SIRPB1: variants seen among roughly 807,000 people sequenced by gnomAD.
SIRPB1 encodes the protein signal-regulatory protein beta-1.
A neutral mutation model predicts 34.1 loss-of-function variants in SIRPB1; 28 were observed. That is an observed-to-expected ratio of 0.82 (90% CI 0.61 to 1.12). The LOEUF (loss-of-function observed/expected upper bound fraction) is 1.12. Among genes scored for constraint, SIRPB1 ranks in the 50% most tolerant of loss-of-function variants. The pLI is 0.00. For missense variants in SIRPB1, 499 were observed against 507.0 expected (o/e 0.98, Z 0.15); for synonymous variants, 211 against 203.8 (o/e 1.04, Z -0.30).
At chr20:1,577,324 C>G (rs115127273) in intron 2 of SIRPB1, among the ~76,000 whole-genome samples, 2,046 of 147,716 alleles carry the variant, frequency 0.014, 136 homozygotes, top group African/African-American at 0.046. Context: ...GACTCTGGCT[C>G]CAATTCTGTC....
intron 4 of SIRPB1, among the ~76,000 whole-genome samples, chr20:1,567,165 G>C (rs1036261859): frequency 1.3e-5 from 2 of 152,114 alleles, no homozygotes; most frequent in Admixed American, 1.3e-4. Context: ...ATCTATAGCC[G>C]CTGGAGTGTT....
rs1425736099 is a variant in SIRPB1 at position 1,570,969 on chromosome 20, C to T, written c.920G>A (p.Gly307Asp). Residue 307 changes from glycine (G) to aspartate (D), a missense_variant, in exon 4 of 6, where the codon GGC (glycine) becomes GAC (aspartate). Transcript: ENST00000381605. ...TASTLIENKD[G>D]TYNWMSWLLV... Reference sequence around the variant, plus strand: ...GAGCCAGCTCATCCAGTTGTAGGTGCCATCCTTGTTCTCTATGAGGGTCGA... The same window carrying T: ...GAGCCAGCTCATCCAGTTGTAGGTGTCATCCTTGTTCTCTATGAGGGTCGA... 3.7e-6 allele frequency: 6 copies of T among 1,613,958 alleles called. No homozygotes were observed. In the African/African-American group the frequency reaches 6.7e-5, roughly 18 times the overall value.
rs2091217335 is a variant in SIRPB1, at chr20:1,570,674, G to A, written c.1084+131C>T. 6 of 781,780 alleles carry A rather than the reference G, an allele frequency of 7.7e-6. No homozygotes were observed. In the East Asian group the frequency reaches 1.0e-4, roughly 13 times the overall value. 48.4% of individuals were successfully genotyped at this position (781,780 alleles called of 1,614,324 possible). ...TCTAAGTAGTGGTGACCCATGGAGTGTAGGATTTTAATGTAGACGTTAAAA... is the reference window on the plus strand; with the variant it reads ...TCTAAGTAGTGGTGACCCATGGAGTATAGGATTTTAATGTAGACGTTAAAA... On this transcript the variant is annotated intron_variant, in intron 4 of 5. Transcript: ENST00000381605.
chr20:1,597,680 A>G lies in SIRPB1; in HGVS notation c.77-18986T>C, dbSNP rs1216749935. ...TGTAGGGAAAAAATATCCAAATTAT[A>G]TCATACGTATAAACAAAGAGGAAGG... is the stretch of plus-strand genomic sequence containing the variant. On this transcript the variant is annotated intron_variant, in intron 1 of 5. Coordinates refer to ENST00000381605, the MANE Select transcript of SIRPB1 (RefSeq NM_006065.5). 1.1e-5 allele frequency: 3 copies of G among 274,050 alleles called. 1 individual carries two copies. 17.0% of individuals were successfully genotyped at this position (274,050 alleles called of 1,614,324 possible). A position where few individuals can be genotyped will look rare whatever the true frequency, so the allele number is the denominator to read the frequency against.
rs2091112344 is a variant in SIRPB1 at position 1,565,273 on chromosome 20, A to G, written c.*227T>C. 1 of 370,586 alleles carries G rather than the reference A, an allele frequency of 2.7e-6. No homozygotes were observed. The allele number at this position is 370,586 out of a possible 1,614,324, so 23.0% of individuals were successfully genotyped here. On this transcript the variant is annotated 3_prime_UTR_variant, in exon 6 of 6. Transcript: ENST00000381605. ...GTTTCTCACCTTCTAGGGAGGTGCC[A>G]TGAGTCAGTGCCCAGAGCCCAATCC... is the stretch of plus-strand genomic sequence containing the variant.
At chr20:1,572,121 T>C in intron 2 of SIRPB1, 84 bp from the exon 3 acceptor site, 5 of 1,592,406 alleles carry the variant, frequency 3.1e-6, no homozygotes, top group Non-Finnish European at 4.3e-6. Context: ...AAGAACCTTC[T>C]GAGACGTTAG....
intron 4 of SIRPB1, among the ~76,000 whole-genome samples, chr20:1,566,849 G>T (rs1335805598): frequency 3.3e-5 from 5 of 152,070 alleles, no homozygotes; most frequent in African/African-American, 1.2e-4. Flanking sequence ...TGATCTCAGG[G>T]AGCCCTCCAG....
At chr20:1,619,777 G>C in intron 1 of SIRPB1, 92 bp downstream of exon 1, 2 of 927,816 alleles carry the variant, frequency 2.2e-6, no homozygotes, top group South Asian at 3.1e-5. Context: ...TTTCTTGGCA[G>C]CACTTGTCAT....
rs775379399 is a variant in SIRPB1, at chr20:1,609,375, C to G, written c.76+10494G>C. 4.1e-4 allele frequency among the ~76,000 whole-genome samples: 30 copies of G among 72,558 alleles called. 9 individuals are homozygous for G. Among genetic ancestry groups the G allele is most frequent in the South Asian group, 1.2e-3 (2 of 1,662 alleles). The allele number at this position is 72,558 out of a possible 152,430, so 47.6% of individuals were successfully genotyped here. The stretch of plus-strand genomic sequence containing the variant: ...ATGTACATGAAAGCATCATGTTTTA[C>G]GCTTTACATATACACATTTTTTTAA... On this transcript the variant is annotated intron_variant, in intron 1 of 5. Transcript: ENST00000381605.
In SIRPB1 at chr20:1,589,473, A is replaced by C. The variant is rs1228093176; in HGVS notation, c.77-10779T>G. 1.6e-4 allele frequency among the ~76,000 whole-genome samples: 8 copies of C among 48,818 alleles called. 3 individuals carry two copies. Among genetic ancestry groups the C allele is most frequent in the Admixed American group, 1.1e-3 (8 of 7,320 alleles). 32.0% of individuals were successfully genotyped at this position (48,818 alleles called of 152,430 possible). A position where few individuals can be genotyped will look rare whatever the true frequency, so the allele number is the denominator to read the frequency against. ...CTGTGTTCAGATGGGAAATGAGGAG[A>C]GAGGAAGTATATATGCCCTGACCAA... On this transcript the variant is annotated intron_variant, in intron 1 of 5. Coordinates refer to ENST00000381605, the MANE Select transcript of SIRPB1 (RefSeq NM_006065.5).
rs1263250427 is a variant in SIRPB1, at chr20:1,607,435, G to T, written c.76+12434C>A. ...TGTTCTCAAAGCCCCAAAACCTGGG[G>T]CACCGCTTTTGCTAGGGGGCTGTGT... On this transcript the variant is annotated intron_variant, in intron 1 of 5. Coordinates refer to ENST00000381605, the MANE Select transcript of SIRPB1 (RefSeq NM_006065.5). 8.7e-3 allele frequency among the ~76,000 whole-genome samples: 47 copies of T among 5,404 alleles called. 11 individuals carry two copies. In the African/African-American group the frequency reaches 0.12, roughly 13 times the overall value. 3.5% of individuals were successfully genotyped at this position (5,404 alleles called of 152,430 possible).
At chr20:1,607,600 C>T (rs1469357598) in intron 1 of SIRPB1, among the ~76,000 whole-genome samples, 1 of 57,812 alleles carries the variant, frequency 1.7e-5, no homozygotes, top group Non-Finnish European at 3.1e-5. Flanking sequence ...TTCTAATGAG[C>T]AGCCAAGGTT....
chr20:1,585,726 A>G (rs2091419477), intron 1 of SIRPB1, among the ~76,000 whole-genome samples: 1 of 48,706 alleles, frequency 2.1e-5, no homozygotes, highest in Admixed American at 1.4e-4. Flanking sequence ...CATATGATCC[A>G]GCAATCTCAC....
At position 1,570,795 on chromosome 20, in the gene SIRPB1, G is replaced by A. The variant is rs2091219675; in HGVS notation, c.1084+10C>T. The A allele has an allele frequency of 6.4e-7, 1 of 1,571,588 alleles. No homozygotes were observed. The highest frequency in any genetic ancestry group is 1.2e-5 in the South Asian group (1 of 86,274). On this transcript the variant is annotated intron_variant, in intron 4 of 5. Coordinates refer to ENST00000381605, the MANE Select transcript of SIRPB1 (RefSeq NM_006065.5). ...AAAAGACAAAATTTAAAAATGGGAAGTAACCGCACCATGGGTGATATCTGA... is the reference window on the plus strand; with the variant it reads ...AAAAGACAAAATTTAAAAATGGGAAATAACCGCACCATGGGTGATATCTGA...
chr20:1,603,720 C>T lies in SIRPB1; in HGVS notation c.76+16149G>A, dbSNP rs1568699280. ...GCTGACTTTAAAATTCTACTTTATACTTATAGACTTCTAGCTTATTTTATG... is the reference window on the plus strand; with the variant it reads ...GCTGACTTTAAAATTCTACTTTATATTTATAGACTTCTAGCTTATTTTATG... On this transcript the variant is annotated intron_variant, in intron 1 of 5. Transcript: ENST00000381605. 2 of 364,284 alleles carry T rather than the reference C, an allele frequency of 5.5e-6. 1 individual carries two copies. 22.6% of individuals were successfully genotyped at this position (364,284 alleles called of 1,614,324 possible).
chr20:1,605,175 G>A lies in SIRPB1; in HGVS notation c.76+14694C>T, dbSNP rs1434998390. 6 of 471,102 alleles carry A rather than the reference G, an allele frequency of 1.3e-5. 3 individuals are homozygous for A. The highest frequency in any genetic ancestry group is 1.7e-5 in the Non-Finnish European group (6 of 348,104). The allele number at this position is 471,102 out of a possible 1,614,324, so 29.2% of individuals were successfully genotyped here. A position where few individuals can be genotyped will look rare whatever the true frequency, so the allele number is the denominator to read the frequency against. ...TTATTTTTTATCCTTCCAATAATGT[G>A]GAAAGATTAATGAGGGTGGTGTCCT... On this transcript the variant is annotated intron_variant, in intron 1 of 5. Coordinates refer to ENST00000381605, the MANE Select transcript of SIRPB1 (RefSeq NM_006065.5).
intron 2 of SIRPB1, among the ~76,000 whole-genome samples, chr20:1,573,682 G>T (rs996925248): frequency 4.1e-5 from 6 of 147,338 alleles, no homozygotes; most frequent in African/African-American, 1.5e-4. Flanking sequence ...TGCTCTCTCT[G>T]TACCTCTCAG....
At chr20:1,616,427 C>T (rs1271387443) in intron 1 of SIRPB1, among the ~76,000 whole-genome samples, 1 of 152,192 alleles carries the variant, frequency 6.6e-6, no homozygotes, top group Non-Finnish European at 1.5e-5. Context: ...CTCAATTGAC[C>T]TTTGACAAAA....
At position 1,611,801 on chromosome 20, in the gene SIRPB1, G is replaced by A. The variant is rs1265504621; in HGVS notation, c.76+8068C>T. On this transcript the variant is annotated intron_variant, in intron 1 of 5. Transcript: ENST00000381605. Reference sequence around the variant, plus strand: ...TGTTTATCAATGGCTTTCATTGACCGGGTGCACACCAGGAAAAGGCCTTGA... The same window carrying A: ...TGTTTATCAATGGCTTTCATTGACCAGGTGCACACCAGGAAAAGGCCTTGA... 1.3e-5 allele frequency: 7 copies of A among 559,858 alleles called. 3 individuals carry two copies. Among genetic ancestry groups the A allele is most frequent in the Middle Eastern group, 5.0e-4 (1 of 1,986 alleles). 34.7% of individuals were successfully genotyped at this position (559,858 alleles called of 1,614,324 possible).
Sources: allele counts gnomAD v4.1 joint callset (sites outside exome capture counted in the v4.1 genomes callset), GRCh38; gene constraint gnomAD v4.1.1; transcripts MANE v1.5; gene names NCBI Gene and HGNC (gene_info 2026-07-23, HGNC 2026-07-21).